The following SARM1 variants were observed in gnomAD, a reference collection of about 807,000 sequenced individuals.
SARM1 encodes sterile alpha and TIR motif containing 1.
SARM1 carries 60 observed loss-of-function variants against 65.1 expected under a neutral mutation model. That is an observed-to-expected ratio of 0.92 (90% confidence interval 0.75 to 1.14). SARM1 has a LOEUF of 1.14. SARM1 is among the 50% of genes most tolerant of loss of function. The pLI is 0.00. For missense variants in SARM1, 913 were observed against 1,015.7 expected (o/e 0.90, Z 1.37); for synonymous variants, 417 against 465.4 (o/e 0.90, Z 1.34).
At chr17:28,388,638 T>C (rs2068065239) in intron 7 of SARM1, 99 bp downstream of exon 7, 1 of 1,302,948 alleles carries the variant, frequency 7.7e-7, no homozygotes, top group Non-Finnish European at 1.1e-6. Context: ...CCCGGCACAC[T>C]TAGCCCTGAA....
rs782116007 is a variant in SARM1, at chr17:28,395,988, T to G, written c.2007T>G (p.Pro669=). 4.3e-6 allele frequency: 7 copies of G among 1,613,760 alleles called. No individual in the cohort carries two copies. The highest frequency in any genetic ancestry group is 4.2e-6 in the Non-Finnish European group (5 of 1,179,840). The change falls in exon 8 of 9, where the codon CCT becomes CCG. Residue 669 remains proline, a synonymous_variant. Transcript: ENST00000585482. The part of the protein sequence containing the change: ...GFEWPEPQVL[P]EDMQAVLTFN... Reference sequence around the variant, plus strand: ...AGTGGCCTGAGCCCCAGGTCCTGCCTGAGGACATGCAGGCTGTGCTTACTT... The same window carrying G: ...AGTGGCCTGAGCCCCAGGTCCTGCCGGAGGACATGCAGGCTGTGCTTACTT...
Position 28,402,426 on chromosome 17 carries a change from G to A in SARM1, c.*6140G>A. 1 of 898,962 alleles carries A rather than the reference G, an allele frequency of 1.1e-6. No homozygotes were observed. The highest frequency in any genetic ancestry group is 1.7e-6 in the Non-Finnish European group (1 of 574,496). 55.7% of individuals were successfully genotyped at this position (898,962 alleles called of 1,614,324 possible). ...CATACCCCACGTGGGGCTTAGGTTA[G>A]ACCCAGGAAGAACTTCCTTGATGGT... On this transcript the variant is annotated 3_prime_UTR_variant, in exon 9 of 9. Coordinates refer to ENST00000585482, the MANE Select transcript of SARM1 (RefSeq NM_015077.4).
chr17:28,381,463 G>T lies in SARM1; in HGVS notation c.731G>T (p.Arg244Leu). ...ALHGGQAVQR[R>L]MVEKRAAEWL... is the part of the protein sequence containing the mutation. ...CACGGGGGCCAGGCGGTGCAGCGACGCATGGTAGAGAAGCGCGCAGCCGAG... is the reference window on the plus strand; with the variant it reads ...CACGGGGGCCAGGCGGTGCAGCGACTCATGGTAGAGAAGCGCGCAGCCGAG... Residue 244 changes from arginine to leucine, a missense_variant, in exon 2 of 9, where the codon CGC becomes CTC. Arg to Leu is a moderately radical substitution (Grantham distance 102, BLOSUM62 -2). This residue lies in a region of SARM1 where 862 missense variants were observed against 952.1 expected (regional missense o/e 0.91). Transcript: ENST00000585482. The T allele has an allele frequency of 1.3e-6, 2 of 1,551,494 alleles. No individual in the cohort carries two copies. Among genetic ancestry groups the T allele is most frequent in the South Asian group, 1.2e-5 (1 of 84,174 alleles).
chr17:28,375,159 C>G (rs2067981883), intron 1 of SARM1, among the ~76,000 whole-genome samples: 1 of 152,124 alleles, frequency 6.6e-6, no homozygotes, highest in African/African-American at 2.4e-5. Context: ...CCCCACAACA[C>G]CCAGTGAGGT....
chr17:28,380,114 G>T (rs1264471635), intron 1 of SARM1, among the ~76,000 whole-genome samples: 3 of 134,000 alleles, frequency 2.2e-5, no homozygotes, highest in Admixed American at 8.1e-5. Flanking sequence ...TTGACACAGG[G>T]TCTCACTTTG....
chr17:28,385,236 C>G lies in SARM1; in HGVS notation c.1591C>G (p.Leu531Val). The change falls in exon 5 of 9, where the codon CTG becomes GTG. Residue 531 changes from leucine to valine, a missense_variant. Physicochemically the swap from Leu to Val is conservative, Grantham distance 32. Transcript: ENST00000585482. This position sits in a 1 kb window ranked among gnomAD's most constrained non-coding sequence, Gnocchi z 4.5. ...GCTGCTGGAAGACTGCGGCATCCAC[C>G]TGGGCGTGCACCGCGCCCGCATCCT... Reference protein sequence around the residue: ...QQLLEDCGIHLGVHRARILTA... With the variant: ...QQLLEDCGIHVGVHRARILTA... 6.3e-7 allele frequency: 1 copy of G among 1,586,322 alleles called. No homozygotes were observed. The highest frequency in any genetic ancestry group is 2.3e-5 in the East Asian group (1 of 43,610).
In SARM1 at chr17:28,400,317, T is replaced by A; in HGVS notation, c.*4031T>A. On this transcript the variant is annotated 3_prime_UTR_variant, in exon 9 of 9. Transcript: ENST00000585482. Reference sequence around the variant, plus strand: ...CTTTAACACAGTTCTGCTGCCATAGTTCCATCTATAAAATGGGAATGGAGG... The same window carrying A: ...CTTTAACACAGTTCTGCTGCCATAGATCCATCTATAAAATGGGAATGGAGG... 2 of 412,696 alleles carry A rather than the reference T, an allele frequency of 4.8e-6. No individual in the cohort carries two copies. The highest frequency in any genetic ancestry group is 4.9e-5 in the South Asian group (2 of 40,710). The allele number at this position is 412,696 out of a possible 1,614,324, so 25.6% of individuals were successfully genotyped here. A position where few individuals can be genotyped will look rare whatever the true frequency, so the allele number is the denominator to read the frequency against.
Position 28,371,864 on chromosome 17 carries a change from A to C in SARM1, c.-169A>C. The C allele has an allele frequency of 4.3e-6, 2 of 468,300 alleles. No homozygotes were observed. The highest frequency in any genetic ancestry group is 3.6e-5 in the East Asian group (1 of 27,884). The allele number at this position is 468,300 out of a possible 1,614,324, so 29.0% of individuals were successfully genotyped here. A position where few individuals can be genotyped will look rare whatever the true frequency, so the allele number is the denominator to read the frequency against. ...CAACCGCTCCCCCGATCCTGCCGAC[A>C]CTCCTCCCCCAAACTTCTGACCGGC... is the stretch of plus-strand genomic sequence containing the variant. On this transcript the variant is annotated 5_prime_UTR_variant, in exon 1 of 9. Coordinates refer to ENST00000585482, the MANE Select transcript of SARM1 (RefSeq NM_015077.4).
At chr17:28,389,239 T>C (rs1555586573) in intron 7 of SARM1, among the ~76,000 whole-genome samples, 1 of 152,164 alleles carries the variant, frequency 6.6e-6, no homozygotes, top group Non-Finnish European at 1.5e-5. Context: ...AAAGAGGGTA[T>C]AATAATAGTA....
At chr17:28,394,486 C>T (rs1597824546) in intron 7 of SARM1, among the ~76,000 whole-genome samples, 1 of 152,272 alleles carries the variant, frequency 6.6e-6, no homozygotes, top group Admixed American at 6.5e-5. Flanking sequence ...CCAACACCAA[C>T]TGGGTATCCC....
chr17:28,375,626 A>G (rs1166285303), intron 1 of SARM1, among the ~76,000 whole-genome samples: 3 of 151,422 alleles, frequency 2.0e-5, no homozygotes, highest in South Asian at 4.2e-4. Flanking sequence ...CACGAAAGCC[A>G]TTGCACATAA....
Position 28,398,944 on chromosome 17 carries a change from G to A in SARM1, c.*2658G>A, listed in dbSNP as rs1464357691. 2.0e-5 allele frequency: 3 copies of A among 152,308 alleles called. No homozygotes were observed. The highest frequency in any genetic ancestry group is 7.2e-5 in the African/African-American group (3 of 41,446). The allele number at this position is 152,308 out of a possible 1,614,324, so 9.4% of individuals were successfully genotyped here. A position where few individuals can be genotyped will look rare whatever the true frequency, so the allele number is the denominator to read the frequency against. On this transcript the variant is annotated 3_prime_UTR_variant, in exon 9 of 9. Coordinates refer to ENST00000585482, the MANE Select transcript of SARM1 (RefSeq NM_015077.4). ...CCAGGCAGCTCAGGGCTCCTGCCCA[G>A]CCCAGCAGCTTCTGTTGTCTAACGT...
chr17:28,388,421 A>G lies in SARM1; in HGVS notation c.1805A>G (p.Lys602Arg). 1 of 1,614,020 alleles carries G rather than the reference A, an allele frequency of 6.2e-7. No individual in the cohort carries two copies. The highest frequency in any genetic ancestry group is 8.5e-7 in the Non-Finnish European group (1 of 1,179,900). ...FIDVEKLEAG[K>R]FEDKLIQSVM... Reference sequence around the variant, plus strand: ...GATGTGGAGAAGCTGGAAGCAGGCAAGTTCGAGGACAAACTCATCCAGAGT... The same window carrying G: ...GATGTGGAGAAGCTGGAAGCAGGCAGGTTCGAGGACAAACTCATCCAGAGT... The change falls in exon 7 of 9, where the codon AAG becomes AGG. Residue 602 changes from lysine (K) to arginine (R), a missense_variant. By Grantham distance (26) the Lys-to-Arg change is conservative. This residue lies in a region of SARM1 where 862 missense variants were observed against 952.1 expected (regional missense o/e 0.91). Transcript: ENST00000585482.
At chr17:28,387,968 A>C in intron 5 of SARM1, 2 of 600,188 alleles carry the variant, frequency 3.3e-6, no homozygotes, top group Non-Finnish European at 6.0e-6. Context: ...TCCCTAGAAC[A>C]CAGTGCCTGC....
rs1222363321 is a variant in SARM1, at chr17:28,388,331, A to G, written c.1734-19A>G. ...GCGTGGGGACAAGGCTGTGGCACTG[A>G]CACAGGACTTACTTGCAGTCTCCTG... is the stretch of plus-strand genomic sequence containing the variant. On this transcript the variant is annotated intron_variant, in intron 6 of 8. Transcript: ENST00000585482. 9 of 1,612,708 alleles carry G rather than the reference A, an allele frequency of 5.6e-6. No homozygotes were observed. Among genetic ancestry groups the G allele is most frequent in the African/African-American group, 1.3e-5 (1 of 74,896 alleles).
chr17:28,384,652 T>G lies in SARM1; in HGVS notation c.1302+83T>G, dbSNP rs1313947197. ...ACTGCGTTCCCTCCCCGCCTCGCAA[T>G]CCCGCGGCGCCAGGGTCGCTTTTGG... On this transcript the variant is annotated intron_variant, in intron 3 of 8. Transcript: ENST00000585482. This position sits in a 1 kb window ranked among gnomAD's most constrained non-coding sequence, Gnocchi z 4.4. 7 of 1,397,402 alleles carry G rather than the reference T, an allele frequency of 5.0e-6. No homozygotes were observed. The highest frequency in any genetic ancestry group is 6.8e-6 in the Non-Finnish European group (7 of 1,032,364). The allele number at this position is 1,397,402 out of a possible 1,614,324, so 86.6% of individuals were successfully genotyped here. A position where few individuals can be genotyped will look rare whatever the true frequency, so the allele number is the denominator to read the frequency against.
chr17:28,397,719 C>G lies in SARM1; in HGVS notation c.*1433C>G, dbSNP rs2068146220. 1 of 152,250 alleles carries G rather than the reference C, an allele frequency of 6.6e-6. No individual in the cohort carries two copies. Among genetic ancestry groups the G allele is most frequent in the Non-Finnish European group, 1.5e-5 (1 of 68,068 alleles). 9.4% of individuals were successfully genotyped at this position (152,250 alleles called of 1,614,324 possible). Reference sequence around the variant, plus strand: ...AAGCTGACCCAGAGGCCATACAGAGCAGGAATATCCCATTGCCCCCTCCTC... The same window carrying G: ...AAGCTGACCCAGAGGCCATACAGAGGAGGAATATCCCATTGCCCCCTCCTC... On this transcript the variant is annotated 3_prime_UTR_variant, in exon 9 of 9. Coordinates refer to ENST00000585482, the MANE Select transcript of SARM1 (RefSeq NM_015077.4).
chr17:28,375,922 T>C (rs1417104677), intron 1 of SARM1, among the ~76,000 whole-genome samples: 1 of 152,228 alleles, frequency 6.6e-6, no homozygotes, highest in Non-Finnish European at 1.5e-5. Context: ...AGAGAGTCTC[T>C]GCATATACAG....
chr17:28,403,617 T>C lies in SARM1; in HGVS notation c.*7331T>C, dbSNP rs1597833580. 2 of 152,086 alleles carry C rather than the reference T, an allele frequency of 1.3e-5. No homozygotes were observed. The allele number at this position is 152,086 out of a possible 1,614,324, so 9.4% of individuals were successfully genotyped here. A position where few individuals can be genotyped will look rare whatever the true frequency, so the allele number is the denominator to read the frequency against. Reference sequence around the variant, plus strand: ...GAGGGAAAGGTTCCCTTCTGCTTAATTGTCAGACAAGCAGTTGAGTTAAGA... The same window carrying C: ...GAGGGAAAGGTTCCCTTCTGCTTAACTGTCAGACAAGCAGTTGAGTTAAGA... On this transcript the variant is annotated 3_prime_UTR_variant, in exon 9 of 9. Transcript: ENST00000585482.
Sources: gnomAD v4.1 joint callset for allele counts (sites outside exome capture counted in the v4.1 genomes callset) on GRCh38, gnomAD v4.1.1 for gene constraint, gnomAD v4.1.1 regional missense constraint, Gnocchi (gnomAD v3.1) non-coding constraint, MANE v1.5 for transcripts, NCBI Gene and HGNC (gene_info 2026-07-23, HGNC 2026-07-21) for gene names.